GRIK1: variants seen among roughly 807,000 people sequenced by gnomAD.
The protein encoded by GRIK1 is glutamate receptor ionotropic, kainate 1.
GRIK1 carries 69 observed loss-of-function variants against 105.7 expected under a neutral mutation model. The ratio of observed to expected loss-of-function variants is 0.65; its 90% CI spans 0.54 to 0.80. The LOEUF is 0.80. Among genes scored for constraint, GRIK1 ranks in the 30% least tolerant of loss-of-function variants. The probability of loss-of-function intolerance (pLI) is 0.00; values close to 1 mark genes in which losing one functional copy is unlikely to be tolerated. For missense variants in GRIK1, 1,109 were observed against 1,167.3 expected, an observed-to-expected ratio of 0.95 and a Z score of 0.73; for synonymous variants, 438 against 431.3, an observed-to-expected ratio of 1.02 and a Z score of -0.19.
At chr21:29,546,354 C>T (rs1015982384) in intron 16 of GRIK1, among the ~76,000 whole-genome samples, 3 of 152,218 alleles carry the variant, frequency 2.0e-5, no homozygotes, top group Non-Finnish European at 4.4e-5. Flanking sequence ...GTTATTCTGC[C>T]ATTCCGGAGA....
At chr21:29,727,343 G>A (rs2064495276) in intron 1 of GRIK1, among the ~76,000 whole-genome samples, 1 of 152,096 alleles carries the variant, frequency 6.6e-6, no homozygotes, top group South Asian at 2.1e-4. Context: ...TGTTTTTCGA[G>A]GATGATGAGT....
At chr21:29,717,178 C>T (rs1226751270) in intron 1 of GRIK1, among the ~76,000 whole-genome samples, 1 of 152,220 alleles carries the variant, frequency 6.6e-6, no homozygotes, top group African/African-American at 2.4e-5. Context: ...TCTGGATATC[C>T]AGGCAGAAGT....
intron 1 of GRIK1, among the ~76,000 whole-genome samples, chr21:29,884,951 A>T (rs1356513262): frequency 6.6e-6 from 1 of 152,040 alleles, no homozygotes; most frequent in Non-Finnish European, 1.5e-5. Flanking sequence ...GTTGCTCAAA[A>T]CTGTTCCATA....
chr21:29,779,387 G>T (rs1278272917), intron 1 of GRIK1, among the ~76,000 whole-genome samples: 1 of 149,300 alleles, frequency 6.7e-6, no homozygotes, highest in Admixed American at 6.7e-5. Context: ...CATGTGTTTG[G>T]AGGCTTATGT....
intron 1 of GRIK1, among the ~76,000 whole-genome samples, chr21:29,782,187 C>A (rs540194361): frequency 1.3e-5 from 2 of 150,918 alleles, no homozygotes; most frequent in Non-Finnish European, 3.0e-5. Flanking sequence ...CCCGGGTTCA[C>A]GCCATTCTCC....
chr21:29,749,263 T>C (rs543348618), intron 1 of GRIK1: 13 of 152,186 alleles, frequency 8.5e-5, no homozygotes, highest in African/African-American at 3.1e-4. Context: ...TTACAGTGGA[T>C]ATTGAACAAT....
intron 1 of GRIK1, among the ~76,000 whole-genome samples, chr21:29,874,574 G>C (rs796707748): frequency 5.3e-5 from 8 of 152,308 alleles, no homozygotes; most frequent in African/African-American, 1.9e-4. Flanking sequence ...GTGCTTCCCA[G>C]TTCCTAACAG....
At chr21:29,781,659 T>C (rs1269569551) in intron 1 of GRIK1, among the ~76,000 whole-genome samples, 21 of 97,348 alleles carry the variant, frequency 2.2e-4, no homozygotes, top group Non-Finnish European at 2.0e-4. Flanking sequence ...TACTGTTTCT[T>C]TTTTTTTTTT....
chr21:29,553,213 C>T, intron 16 of GRIK1: 1 of 993,250 alleles, frequency 1.0e-6, no homozygotes, highest in South Asian at 4.7e-5. Context: ...CATCGTGTTT[C>T]CATGCTTTGC....
At chr21:29,749,029 C>T (rs1209877279) in intron 1 of GRIK1, 1 of 152,206 alleles carries the variant, frequency 6.6e-6, no homozygotes, top group Non-Finnish European at 1.5e-5. Context: ...ACACAAAGTC[C>T]TCTTTGATTG....
At chr21:29,576,563 A>G (rs765328641) in intron 14 of GRIK1, among the ~76,000 whole-genome samples, 12 of 152,220 alleles carry the variant, frequency 7.9e-5, no homozygotes, top group Non-Finnish European at 1.5e-4. Flanking sequence ...AAATAATGAT[A>G]TTCAAGTATT....
chr21:29,921,241 G>C (rs541180733), intron 1 of GRIK1, among the ~76,000 whole-genome samples: 51 of 152,212 alleles, frequency 3.4e-4, no homozygotes, highest in African/African-American at 1.2e-3. Context: ...GCATACAACT[G>C]TTCTAGAGGA....
intron 1 of GRIK1, among the ~76,000 whole-genome samples, chr21:29,856,033 C>T (rs469017): frequency 0.32 from 48,596 of 151,676 alleles, 8,397 homozygotes; most frequent in East Asian, 0.46. Flanking sequence ...CAGATTCATA[C>T]GTAAACATCA....
intron 7 of GRIK1, among the ~76,000 whole-genome samples, chr21:29,614,740 CT>C (rs1427386410): frequency 2.6e-5 from 4 of 151,348 alleles, no homozygotes; most frequent in African/African-American, 9.8e-5. Flanking sequence ...CTATTTATGA[CT>C]TTTCCCTGCT....
chr21:29,753,565 C>A (rs894699798), intron 1 of GRIK1, among the ~76,000 whole-genome samples: 2 of 152,098 alleles, frequency 1.3e-5, no homozygotes, highest in African/African-American at 2.4e-5. Context: ...CCCTGTGAAA[C>A]CACAGAAAAT....
At chr21:29,890,681 T>C (rs900174759) in intron 1 of GRIK1, among the ~76,000 whole-genome samples, 3 of 152,142 alleles carry the variant, frequency 2.0e-5, no homozygotes, top group African/African-American at 4.8e-5. Context: ...GAAGTGCCAA[T>C]CTGGTCAAAG....
intron 1 of GRIK1, among the ~76,000 whole-genome samples, chr21:29,820,398 G>T (rs73897853): frequency 0.016 from 2,475 of 152,122 alleles, 71 homozygotes; most frequent in African/African-American, 0.055. Flanking sequence ...TCTTTTCAAT[G>T]ATAATGAAGA....
At chr21:29,907,626 A>G (rs2070690276) in intron 1 of GRIK1, among the ~76,000 whole-genome samples, 1 of 152,184 alleles carries the variant, frequency 6.6e-6, no homozygotes, top group South Asian at 2.1e-4. Flanking sequence ...AAAATTTATT[A>G]GTATAAAAAG....
Position 29,561,900 on chromosome 21 carries a change from G to A in GRIK1, c.2131-51C>T, listed in dbSNP as rs775217111. On this transcript the variant is annotated intron_variant, in intron 14 of 17. Transcript: ENST00000327783. ...CAGCAGAAGAGGGCTGGAAAAATAC[G>A]ACCTAAAGGTATTCAAAGTCCCAAT... is the stretch of plus-strand genomic sequence containing the variant. 1.9e-5 allele frequency: 19 copies of A among 1,025,816 alleles called. No individual in the cohort carries two copies. The Admixed American group carries it at 2.1e-4, about 11-fold the overall frequency. The allele number at this position is 1,025,816 out of a possible 1,614,324, so 63.5% of individuals were successfully genotyped here. A position where few individuals can be genotyped will look rare whatever the true frequency, so the allele number is the denominator to read the frequency against.
Sources: gnomAD v4.1 joint callset for allele counts (sites outside exome capture counted in the v4.1 genomes callset) on GRCh38, gnomAD v4.1.1 for gene constraint, MANE v1.5 for transcripts, NCBI Gene and HGNC (gene_info 2026-07-23, HGNC 2026-07-21) for gene names.